MCU: variants seen among roughly 807,000 people sequenced by gnomAD.
MCU encodes calcium uniporter protein, mitochondrial.
In MCU, 12 loss-of-function variants were observed where a neutral mutation model predicts 45.2. That is an observed-to-expected ratio of 0.27 (90% CI 0.17 to 0.43). The LOEUF is 0.43. MCU is among the 20% of genes least tolerant of loss of function. The pLI, the probability that MCU is intolerant of heterozygous loss-of-function variation, is 1.00. For synonymous variants in MCU, 160 were observed against 165.1 expected (o/e 0.97, Z 0.24); for missense variants, 324 against 436.7 (o/e 0.74, Z 2.30).
chr10:72,867,211 ATTCTGACTGTGGCTTGT>A (rs2132879542), intron 4 of MCU, among the ~76,000 whole-genome samples: 1 of 152,108 alleles, frequency 6.6e-6, no homozygotes, highest in East Asian at 1.9e-4. Flanking sequence ...TATGTGGTTA[ATTCTGACTGTGGCTTGT>A]TTTGTTTAGA....
intron 6 of MCU, among the ~76,000 whole-genome samples, chr10:72,879,945 G>A (rs1033939189): frequency 1.3e-5 from 2 of 152,152 alleles, no homozygotes; most frequent in Non-Finnish European, 1.5e-5. Flanking sequence ...CTACTGGGGA[G>A]GTTGAGGCAT....
intron 1 of MCU, among the ~76,000 whole-genome samples, chr10:72,704,704 A>ATTTT (rs1162093579): frequency 1.9e-5 from 2 of 106,734 alleles, no homozygotes; most frequent in Admixed American, 1.0e-4. Context: ...TGCCTGGATA[A>ATTTT]TTTTTTTTTT....
At chr10:72,833,882 A>C (rs1375480394) in intron 1 of MCU, among the ~76,000 whole-genome samples, 1 of 152,214 alleles carries the variant, frequency 6.6e-6, no homozygotes, top group Non-Finnish European at 1.5e-5. Context: ...GAGAGTGAAC[A>C]TAAAGACCAG....
At chr10:72,733,684 T>C in intron 1 of MCU, among the ~76,000 whole-genome samples, 1 of 144,688 alleles carries the variant, frequency 6.9e-6, no homozygotes, top group South Asian at 2.2e-4. Flanking sequence ...ATGTTTCATA[T>C]ATATATATAT....
chr10:72,725,581 A>G (rs1843086684), intron 1 of MCU, among the ~76,000 whole-genome samples: 1 of 152,022 alleles, frequency 6.6e-6, no homozygotes, highest in South Asian at 2.1e-4. Flanking sequence ...GGCTCATACT[A>G]TTTTCATTTA....
chr10:72,739,934 C>A (rs1843303191), intron 1 of MCU, among the ~76,000 whole-genome samples: 1 of 151,948 alleles, frequency 6.6e-6, no homozygotes, highest in African/African-American at 2.4e-5. Flanking sequence ...CCTCAGCCTC[C>A]CAAAGTGCAG....
At chr10:72,835,407 A>T (rs138671949) in intron 2 of MCU, among the ~76,000 whole-genome samples, 2,071 of 152,304 alleles carry the variant, frequency 0.014, 17 homozygotes, top group Non-Finnish European at 0.019. Flanking sequence ...GTTTAGTTTG[A>T]TAGAGCTCTG....
intron 1 of MCU, among the ~76,000 whole-genome samples, chr10:72,714,930 T>G (rs968750605): frequency 2.0e-5 from 3 of 152,232 alleles, no homozygotes; most frequent in African/African-American, 4.8e-5. Context: ...ACAACTAATT[T>G]TTTTTAAAAG....
At chr10:72,856,273 G>C (rs936659709) in intron 2 of MCU, among the ~76,000 whole-genome samples, 2 of 152,128 alleles carry the variant, frequency 1.3e-5, no homozygotes, top group East Asian at 3.8e-4. Context: ...CAGAGAATTT[G>C]GGGGAATCAT....
intron 1 of MCU, among the ~76,000 whole-genome samples, chr10:72,819,420 A>G (rs1349543407): frequency 6.6e-6 from 1 of 152,262 alleles, no homozygotes; most frequent in East Asian, 1.9e-4. Flanking sequence ...CATGCTAAAT[A>G]CTCATCCATA....
At chr10:72,704,837 C>T (rs1267510776) in intron 1 of MCU, among the ~76,000 whole-genome samples, 6 of 151,214 alleles carry the variant, frequency 4.0e-5, no homozygotes, top group Non-Finnish European at 7.4e-5. Flanking sequence ...TCTCCTACCT[C>T]AGCCTCCCGA....
At chr10:72,748,797 A>G (rs1843452140) in intron 1 of MCU, among the ~76,000 whole-genome samples, 1 of 152,232 alleles carries the variant, frequency 6.6e-6, no homozygotes, top group Non-Finnish European at 1.5e-5. Flanking sequence ...GAAAATAATT[A>G]TAATTTGAAA....
chr10:72,739,760 T>G (rs2132694908), intron 1 of MCU, among the ~76,000 whole-genome samples: 2 of 151,356 alleles, frequency 1.3e-5, no homozygotes, highest in East Asian at 3.9e-4. Flanking sequence ...CACTGCAACC[T>G]CCGCCTCCTG....
intron 1 of MCU, among the ~76,000 whole-genome samples, chr10:72,705,253 GC>G (rs1198902555): frequency 6.6e-6 from 1 of 152,240 alleles, no homozygotes; most frequent in Admixed American, 6.5e-5. Flanking sequence ...CATGTGCCAT[GC>G]AAAAAAATTT....
At chr10:72,703,917 CAA>C (rs988759746) in intron 1 of MCU, among the ~76,000 whole-genome samples, 1 of 126,940 alleles carries the variant, frequency 7.9e-6, no homozygotes. Flanking sequence ...ACAACAACAA[CAA>C]AAAACAACTA....
At chr10:72,744,988 T>A (rs890903271) in intron 1 of MCU, among the ~76,000 whole-genome samples, 1 of 152,180 alleles carries the variant, frequency 6.6e-6, no homozygotes, top group South Asian at 2.1e-4. Flanking sequence ...GATCTGCCCC[T>A]CAGCTTTTCT....
At chr10:72,842,883 T>C (rs1845067219) in intron 2 of MCU, among the ~76,000 whole-genome samples, 1 of 150,562 alleles carries the variant, frequency 6.6e-6, no homozygotes, top group African/African-American at 2.4e-5. Flanking sequence ...ATTTTATAAA[T>C]TATATCTAAA....
intron 2 of MCU, among the ~76,000 whole-genome samples, chr10:72,845,730 A>T (rs1845110754): frequency 6.6e-6 from 1 of 152,228 alleles, no homozygotes; most frequent in Admixed American, 6.5e-5. Flanking sequence ...TGCATTTCTC[A>T]GAATGTATCC....
chr10:72,801,476 C>G (rs909462376), intron 1 of MCU, among the ~76,000 whole-genome samples: 8 of 150,152 alleles, frequency 5.3e-5, no homozygotes, highest in African/African-American at 2.0e-4. Flanking sequence ...TAGAACTTTA[C>G]CCTTCTGACT....
Sources: gnomAD v4.1 joint callset for allele counts (sites outside exome capture counted in the v4.1 genomes callset) on GRCh38, gnomAD v4.1.1 for gene constraint, MANE v1.5 for transcripts, NCBI Gene and HGNC (gene_info 2026-07-23, HGNC 2026-07-21) for gene names.